The following ATP6V1C2 variants were observed in gnomAD, a reference collection of about 807,000 sequenced individuals.
ATP6V1C2 encodes V-type proton ATPase subunit C 2.
ATP6V1C2 carries 45 observed loss-of-function variants against 56.8 expected under a neutral mutation model. The ratio of observed to expected loss-of-function variants is 0.79; its 90% confidence interval spans 0.62 to 1.02. The LOEUF is 1.02. Ranked by LOEUF, ATP6V1C2 falls within the 50% of genes least tolerant of loss-of-function variation. ATP6V1C2 has a pLI of 0.00. For synonymous variants in ATP6V1C2, 220 were observed against 201.3 expected, an observed-to-expected ratio of 1.09 and a Z score of -0.79; for missense variants, 463 against 519.7, an observed-to-expected ratio of 0.89 and a Z score of 1.06.
chr2:10,783,282 C>G lies in ATP6V1C2; in HGVS notation c.*19C>G. 6 of 1,542,798 alleles carry G rather than the reference C, an allele frequency of 3.9e-6. No homozygotes were observed. The highest frequency in any genetic ancestry group is 5.4e-6 in the Non-Finnish European group (6 of 1,115,252). ...TGACTAGAAAGGCCAGCTGGCACCTCTGTCTCATGTTCGTGCAGATTATTA... is the reference window on the plus strand; with the variant it reads ...TGACTAGAAAGGCCAGCTGGCACCTGTGTCTCATGTTCGTGCAGATTATTA... On this transcript the variant is annotated 3_prime_UTR_variant, in exon 14 of 14. Transcript: ENST00000272238.
At chr2:10,748,221 T>G (rs181251443) in intron 3 of ATP6V1C2, among the ~76,000 whole-genome samples, 35 of 152,252 alleles carry the variant, frequency 2.3e-4, no homozygotes, top group African/African-American at 8.4e-4. Flanking sequence ...GCTCTGAGTT[T>G]TTTAAGTGTT....
intron 3 of ATP6V1C2, among the ~76,000 whole-genome samples, chr2:10,731,066 C>T (rs1661924431): frequency 6.6e-6 from 1 of 152,180 alleles, no homozygotes; most frequent in African/African-American, 2.4e-5. Flanking sequence ...ATCCTCCCGC[C>T]TCAGCCTCTC....
chr2:10,773,419 G>C (rs1664757504), intron 8 of ATP6V1C2, among the ~76,000 whole-genome samples: 1 of 152,218 alleles, frequency 6.6e-6, no homozygotes, highest in Non-Finnish European at 1.5e-5. Context: ...GTCTCACTCT[G>C]TTGCCCAGGC....
At chr2:10,768,834 T>TCTGGCGGGGGCAGGTC (rs753687997) in intron 6 of ATP6V1C2, 24 bp downstream of exon 6, 6 of 1,593,020 alleles carry the variant, frequency 3.8e-6, no homozygotes, top group Non-Finnish European at 5.2e-6. Context: ...AGCCTCCACA[T>TCTGGCGGGGGCAGGTC]CTGGCGGGGG....
rs576794834 is a variant in ATP6V1C2 at position 10,780,195 on chromosome 2, G to A, written c.1061+1526G>A. ...GGGTATCTGTCTCATCTCCCCTCCC[G>A]CACCCCTTCCTCTGCTTCCCTGTTT... On this transcript the variant is annotated intron_variant, in intron 12 of 13. Transcript: ENST00000272238. The surrounding 1 kb of genome is among the most constrained non-coding windows in gnomAD (Gnocchi z 4.1). Among the ~76,000 whole-genome samples, 7 of 151,856 alleles carry A rather than the reference G, an allele frequency of 4.6e-5. No individual in the cohort carries two copies. Among genetic ancestry groups the A allele is most frequent in the Non-Finnish European group, 8.8e-5 (6 of 67,976 alleles).
At chr2:10,769,435 G>A (rs1241450300) in intron 6 of ATP6V1C2, among the ~76,000 whole-genome samples, 1 of 152,194 alleles carries the variant, frequency 6.6e-6, no homozygotes, top group African/African-American at 2.4e-5. Context: ...CCAGGCTGGT[G>A]GCTCATGCCT....
At chr2:10,768,592 A>C in intron 5 of ATP6V1C2, 127 bp from the exon 6 acceptor site, 1 of 756,858 alleles carries the variant, frequency 1.3e-6, no homozygotes, top group Non-Finnish European at 2.2e-6. Flanking sequence ...AACAGAAGCC[A>C]TCCCAGCAAA....
rs1665572854 is a variant in ATP6V1C2, at chr2:10,784,104, C to CTGT, written c.*844_*846dup. The CTGT allele has an allele frequency of 2.1e-6, 1 of 469,886 alleles. No homozygotes were observed. The highest frequency in any genetic ancestry group is 2.0e-5 in the African/African-American group (1 of 50,682). 29.1% of individuals were successfully genotyped at this position (469,886 alleles called of 1,614,324 possible). ...TGTTTTCTTGAGATGCAAAAGTTCA[C>CTGT]TGTTGCAGTGTTTTCAAATGACCAA... On this transcript the variant is annotated 3_prime_UTR_variant, in exon 14 of 14. Transcript: ENST00000272238.
chr2:10,749,321 C>A (rs1291027104), intron 3 of ATP6V1C2, among the ~76,000 whole-genome samples: 1 of 151,838 alleles, frequency 6.6e-6, no homozygotes, highest in Non-Finnish European at 1.5e-5. Context: ...ATAGCAAGAC[C>A]CTGGCCCTAC....
At position 10,768,770 on chromosome 2, in the gene ATP6V1C2, ACTCTGAAGACAAAC is replaced by A; in HGVS notation, c.433_446del (p.Leu145GlyfsTer18). 1 of 1,613,834 alleles carries A rather than the reference ACTCTGAAGACAAAC, an allele frequency of 6.2e-7. No individual in the cohort carries two copies. The highest frequency in any genetic ancestry group is 8.5e-7 in the Non-Finnish European group (1 of 1,179,996). On this transcript the variant is annotated frameshift_variant, in exon 6 of 14. Transcript: ENST00000272238. LOFTEE classifies it high-confidence loss of function. ...GAAGTCCCGAACGGCCGCCTACAAC[ACTCTGAAGACAAAC>A]CTGGAGAACCTGGAAAAGAAATCCA...
chr2:10,752,886 C>T (rs1663300112), intron 3 of ATP6V1C2, among the ~76,000 whole-genome samples: 1 of 152,098 alleles, frequency 6.6e-6, no homozygotes, highest in Admixed American at 6.6e-5. Context: ...ATCCCCGCTA[C>T]TTGGGAGGCT....
intron 4 of ATP6V1C2, among the ~76,000 whole-genome samples, chr2:10,755,105 C>A (rs564302264): frequency 5.3e-4 from 81 of 152,282 alleles, no homozygotes; most frequent in African/African-American, 1.9e-3. Context: ...GCAACCTCCC[C>A]CTCCCAGATT....
At position 10,754,047 on chromosome 2, in the gene ATP6V1C2, G is replaced by T; in HGVS notation, c.264G>T (p.Glu88Asp). 6.2e-7 allele frequency: 1 copy of T among 1,604,164 alleles called. No individual in the cohort carries two copies. The highest frequency in any genetic ancestry group is 8.5e-7 in the Non-Finnish European group (1 of 1,174,340). ...AGGACTCAAAGGGGAAGGTCCAGGAGCACCTCCTGGCAAACGGAGGTAGGT... is the reference window on the plus strand; with the variant it reads ...AGGACTCAAAGGGGAAGGTCCAGGATCACCTCCTGGCAAACGGAGGTAGGT... ...VMEDSKGKVQ[E>D]HLLANGVDLT... is the part of the protein sequence containing the mutation. The change falls in exon 4 of 14, where the codon GAG (glutamate) becomes GAT (aspartate). Residue 88 changes from glutamate to aspartate, a missense_variant. Physicochemically the swap from Glu to Asp is conservative, Grantham distance 45. Transcript: ENST00000272238.
intron 3 of ATP6V1C2, among the ~76,000 whole-genome samples, chr2:10,743,429 G>A (rs1662674060): frequency 6.6e-6 from 1 of 151,616 alleles, no homozygotes; most frequent in East Asian, 1.9e-4. Flanking sequence ...AGACTTCTTG[G>A]TGGTCCATTA....
rs545201065 is a variant in ATP6V1C2 at position 10,734,242 on chromosome 2, C to T, written c.197+7673C>T. On this transcript the variant is annotated intron_variant, in intron 3 of 13. Coordinates refer to ENST00000272238, the MANE Select transcript of ATP6V1C2 (RefSeq NM_001039362.2). ...GCCTCTTCACCCCTCCTCCTCCCATCTGCCCCTGCTGAGCCCTCTTCCTCC... is the reference window on the plus strand; with the variant it reads ...GCCTCTTCACCCCTCCTCCTCCCATTTGCCCCTGCTGAGCCCTCTTCCTCC... Among the ~76,000 whole-genome samples the T allele has an allele frequency of 2.6e-5, 4 of 152,202 alleles. No homozygotes were observed. The South Asian group carries it at 8.3e-4, about 32-fold the overall frequency.
In ATP6V1C2 at chr2:10,784,202, G is replaced by GA. The variant is rs1039753738; in HGVS notation, c.*944dup. 8 of 1,434,798 alleles carry GA rather than the reference G, an allele frequency of 5.6e-6. No individual in the cohort carries two copies. In the African/African-American group the frequency reaches 1.1e-4, roughly 20 times the overall value. The allele number at this position is 1,434,798 out of a possible 1,614,324, so 88.9% of individuals were successfully genotyped here. A position where few individuals can be genotyped will look rare whatever the true frequency, so the allele number is the denominator to read the frequency against. ...TGTAGAGAATGTCCCTTCACTGCTG[G>GA]AAAAATCCACTGGCTCCCAAGAAAA... On this transcript the variant is annotated 3_prime_UTR_variant, in exon 14 of 14. Coordinates refer to ENST00000272238, the MANE Select transcript of ATP6V1C2 (RefSeq NM_001039362.2).
At chr2:10,742,207 C>T (rs1168776736) in intron 3 of ATP6V1C2, among the ~76,000 whole-genome samples, 1 of 152,106 alleles carries the variant, frequency 6.6e-6, no homozygotes, top group African/African-American at 2.4e-5. Flanking sequence ...ACCACGCTGG[C>T]CTTTCTGGGT....
At chr2:10,773,795 G>A (rs938995829) in intron 8 of ATP6V1C2, among the ~76,000 whole-genome samples, 1 of 152,230 alleles carries the variant, frequency 6.6e-6, no homozygotes, top group Non-Finnish European at 1.5e-5. Flanking sequence ...CCCACACACA[G>A]AACTCCCGGT....
At chr2:10,724,704 GCT>G (rs1558381927) in intron 2 of ATP6V1C2, among the ~76,000 whole-genome samples, 3 of 143,656 alleles carry the variant, frequency 2.1e-5, no homozygotes, top group South Asian at 2.2e-4. Context: ...TTGGAGCCTC[GCT>G]CTGTCACCCA....
Sources: allele counts gnomAD v4.1 joint callset (sites outside exome capture counted in the v4.1 genomes callset), GRCh38; gene constraint gnomAD v4.1.1; non-coding constraint Gnocchi (gnomAD v3.1); transcripts MANE v1.5; gene names NCBI Gene and HGNC (gene_info 2026-07-23, HGNC 2026-07-21).